Variants in GPC6 observed in about 807,000 individuals in gnomAD.
GPC6 encodes glypican 6, also known as glypican-6.
In GPC6, 14 loss-of-function variants were observed where a neutral mutation model predicts 55.2. The ratio of observed to expected loss-of-function variants is 0.25; its 90% CI spans 0.17 to 0.40. The LOEUF (loss-of-function observed/expected upper bound fraction) is 0.40, where lower values mean the gene tolerates loss of function less well. Ranked by LOEUF, GPC6 falls within the 10% of genes least tolerant of loss-of-function variation. The pLI is 1.00. For synonymous variants in GPC6, 278 were observed against 259.6 expected (o/e 1.07, Z -0.68); for missense variants, 641 against 708.5 (o/e 0.90, Z 1.08).
At chr13:93,762,866 A>C (rs1884996972) in intron 2 of GPC6, among the ~76,000 whole-genome samples, 1 of 152,198 alleles carries the variant, frequency 6.6e-6, no homozygotes, top group Non-Finnish European at 1.5e-5. Flanking sequence ...TTTGAGAGCA[A>C]TTCTGCACGT....
At chr13:93,367,768 T>A (rs547989405) in intron 1 of GPC6, among the ~76,000 whole-genome samples, 4 of 151,878 alleles carry the variant, frequency 2.6e-5, no homozygotes, top group Non-Finnish European at 4.4e-5. Context: ...TCTTGATTTC[T>A]AGTTTGAATC....
intron 1 of GPC6, among the ~76,000 whole-genome samples, chr13:93,502,009 A>G (rs1237938716): frequency 1.3e-5 from 2 of 152,150 alleles, no homozygotes; most frequent in South Asian, 2.1e-4. Flanking sequence ...ATTTTATGCT[A>G]GAATATATAT....
At chr13:93,792,748 C>G (rs3759424) in intron 2 of GPC6, among the ~76,000 whole-genome samples, 99,746 of 152,098 alleles carry the variant, frequency 0.66, 33,186 homozygotes, top group East Asian at 0.81. Context: ...ATGTGGGAAC[C>G]TGCATCCTAA....
At chr13:93,515,692 T>A (rs1325241431) in intron 1 of GPC6, among the ~76,000 whole-genome samples, 1 of 152,226 alleles carries the variant, frequency 6.6e-6, no homozygotes, top group African/African-American at 2.4e-5. Context: ...TCATTCTTAC[T>A]AGTCTGTCTT....
At chr13:93,389,342 A>AC (rs1875526791) in intron 1 of GPC6, among the ~76,000 whole-genome samples, 1 of 109,112 alleles carries the variant, frequency 9.2e-6, no homozygotes, top group African/African-American at 4.4e-5. Flanking sequence ...CTAAAAATAC[A>AC]AAAAAAAAAT....
intron 4 of GPC6, among the ~76,000 whole-genome samples, chr13:94,127,059 C>T (rs1325351126): frequency 2.0e-5 from 3 of 151,572 alleles, no homozygotes; most frequent in Non-Finnish European, 4.4e-5. Flanking sequence ...AACTTTTTTT[C>T]CTACTCTAAA....
chr13:93,786,752 G>T (rs931368037), intron 2 of GPC6, among the ~76,000 whole-genome samples: 1 of 135,526 alleles, frequency 7.4e-6, no homozygotes, highest in Non-Finnish European at 1.6e-5. Flanking sequence ...GAGTATATTT[G>T]AACAAAAAAT....
At chr13:93,873,095 G>C (rs568024052) in intron 3 of GPC6, among the ~76,000 whole-genome samples, 7 of 150,324 alleles carry the variant, frequency 4.7e-5, no homozygotes, top group African/African-American at 1.5e-4. Flanking sequence ...TTTTTTTTTA[G>C]AGAAAAGGAC....
At chr13:93,793,133 A>G (rs1239863140) in intron 2 of GPC6, among the ~76,000 whole-genome samples, 1 of 152,200 alleles carries the variant, frequency 6.6e-6, no homozygotes, top group East Asian at 1.9e-4. Context: ...ATCTTGAGAT[A>G]TCTGTTGTAC....
the GPC6 span, among the ~76,000 whole-genome samples, chr13:93,216,877 AG>A: frequency 2.0e-5 from 3 of 152,202 alleles, no homozygotes; most frequent in African/African-American, 4.8e-5. Flanking sequence ...AAAATAAAGG[AG>A]GTTCCATTTC....
chr13:93,482,572 A>G (rs9516238), intron 1 of GPC6, among the ~76,000 whole-genome samples: 3 of 152,312 alleles, frequency 2.0e-5, no homozygotes, highest in Non-Finnish European at 4.4e-5. Flanking sequence ...AGTTAAATTT[A>G]GAGGTATATT....
chr13:94,215,306 T>C (rs1890194589), intron 4 of GPC6, among the ~76,000 whole-genome samples: 1 of 152,188 alleles, frequency 6.6e-6, no homozygotes, highest in Non-Finnish European at 1.5e-5. Flanking sequence ...AGTTCTACAA[T>C]CATCTGCTTC....
intron 2 of GPC6, among the ~76,000 whole-genome samples, chr13:93,661,464 A>G (rs1221794650): frequency 6.6e-6 from 1 of 151,910 alleles, no homozygotes; most frequent in Non-Finnish European, 1.5e-5. Flanking sequence ...TCCACCTCCC[A>G]AAGTGCTGGG....
intron 1 of GPC6, among the ~76,000 whole-genome samples, chr13:93,419,917 G>T (rs1022146668): frequency 6.6e-6 from 1 of 152,124 alleles, no homozygotes; most frequent in Non-Finnish European, 1.5e-5. Context: ...GAGGGAAAGA[G>T]AATTGTAGAA....
chr13:94,029,476 A>C (rs141652477), intron 4 of GPC6, among the ~76,000 whole-genome samples: 1 of 152,288 alleles, frequency 6.6e-6, no homozygotes, highest in Non-Finnish European at 1.5e-5. Context: ...GAAGATTTGG[A>C]TTTTTTAGCA....
chr13:94,279,148 T>G (rs556295658), intron 4 of GPC6, among the ~76,000 whole-genome samples: 2 of 152,036 alleles, frequency 1.3e-5, no homozygotes, highest in East Asian at 3.9e-4. Flanking sequence ...TTCAACTTCT[T>G]CCTGGTTTAG....
chr13:93,490,202 C>A (rs1271249042), intron 1 of GPC6, among the ~76,000 whole-genome samples: 1 of 151,432 alleles, frequency 6.6e-6, no homozygotes, highest in East Asian at 2.2e-4. Flanking sequence ...TGTCAAAGGC[C>A]TTTTCTGCCT....
chr13:93,695,180 G>A (rs193209178), intron 2 of GPC6, among the ~76,000 whole-genome samples: 53 of 152,126 alleles, frequency 3.5e-4, no homozygotes, highest in Admixed American at 6.5e-4. Context: ...ACTTTACTTA[G>A]AAGTTTACTG....
intron 4 of GPC6, among the ~76,000 whole-genome samples, chr13:94,224,265 A>G (rs1003979246): frequency 8.4e-4 from 42 of 50,124 alleles, no homozygotes; most frequent in African/African-American, 3.0e-3. Context: ...AAATATATAT[A>G]TATATATATA....
Sources: allele counts gnomAD v4.1 joint callset (sites outside exome capture counted in the v4.1 genomes callset), GRCh38; gene constraint gnomAD v4.1.1; transcripts MANE v1.5; gene names NCBI Gene and HGNC (gene_info 2026-07-23, HGNC 2026-07-21).